The following GSDME variants were observed in gnomAD, a reference collection of about 807,000 sequenced individuals.
The protein encoded by GSDME is gasdermin E, also known as gasdermin-E.
Under a neutral mutation model 47.5 loss-of-function variants are expected in GSDME, and 44 were observed. The observed-to-expected ratio is 0.93, with a 90% CI of 0.73 to 1.19. The LOEUF is 1.19. GSDME is among the 50% of genes most tolerant of loss of function. GSDME has a pLI of 0.00. For synonymous variants in GSDME, 258 were observed against 252.8 expected, an observed-to-expected ratio of 1.02 and a Z score of -0.20; for missense variants, 663 against 604.2, an observed-to-expected ratio of 1.10 and a Z score of -1.02.
At chr7:24,706,842 A>C (rs1562688176) in intron 7 of GSDME, among the ~76,000 whole-genome samples, 1 of 140,680 alleles carries the variant, frequency 7.1e-6, no homozygotes, top group African/African-American at 2.5e-5. Flanking sequence ...GCCAGTTCGG[A>C]CCACCCCGCC....
chr7:24,714,464 A>G lies in GSDME; in HGVS notation c.697+2790T>C, dbSNP rs956204880. Among the ~76,000 whole-genome samples the G allele has an allele frequency of 3.3e-5, 5 of 152,168 alleles. No homozygotes were observed. The highest frequency in any genetic ancestry group is 1.2e-4 in the African/African-American group (5 of 41,426). On this transcript the variant is annotated intron_variant, in intron 5 of 9. Transcript: ENST00000645220. The surrounding 1 kb of genome is among the most constrained non-coding windows in gnomAD (Gnocchi z 5.0). The stretch of plus-strand genomic sequence containing the variant: ...GAAAAGAAATAGCAGAACTGGTTTA[A>G]AATCAGGCAGTGAATCACCCAGAAC...
At chr7:24,747,490 G>T (rs1487822178) in intron 2 of GSDME, among the ~76,000 whole-genome samples, 3 of 152,186 alleles carry the variant, frequency 2.0e-5, no homozygotes, top group Non-Finnish European at 4.4e-5. Flanking sequence ...AAGAGCTGAA[G>T]ATATTTTCAT....
intron 5 of GSDME, among the ~76,000 whole-genome samples, chr7:24,713,538 C>G (rs1291826327): frequency 1.3e-5 from 2 of 152,196 alleles, no homozygotes; most frequent in Non-Finnish European, 2.9e-5. Flanking sequence ...AGAGCACGCC[C>G]AGAGAGAGGC....
chr7:24,742,599 A>G lies in GSDME; in HGVS notation c.404+1963T>C, dbSNP rs1790526442. Among the ~76,000 whole-genome samples, 1 of 152,184 alleles carries G rather than the reference A, an allele frequency of 6.6e-6. No individual in the cohort carries two copies. Among genetic ancestry groups the G allele is most frequent in the Non-Finnish European group, 1.5e-5 (1 of 68,040 alleles). ...TAGCAAGAGCTTTTACACCTGAATCATGGTGTTTAAAAACCTATATCGAGA... is the reference window on the plus strand; with the variant it reads ...TAGCAAGAGCTTTTACACCTGAATCGTGGTGTTTAAAAACCTATATCGAGA... On this transcript the variant is annotated intron_variant, in intron 3 of 9. Transcript: ENST00000645220. This position sits in a 1 kb window ranked among gnomAD's most constrained non-coding sequence, Gnocchi z 4.4.
intron 6 of GSDME, among the ~76,000 whole-genome samples, chr7:24,709,831 T>C (rs1789275999): frequency 6.6e-6 from 1 of 152,178 alleles, no homozygotes; most frequent in Non-Finnish European, 1.5e-5. Context: ...GTCTTGACAA[T>C]GAAGCCCAGA....
chr7:24,787,639 C>A, the GSDME span, among the ~76,000 whole-genome samples: 1 of 152,084 alleles, frequency 6.6e-6, no homozygotes, highest in African/African-American at 2.4e-5. The surrounding 1 kb of genome is among the most constrained non-coding windows in gnomAD (Gnocchi z 5.0). Flanking sequence ...CTCATTAAAG[C>A]CATTACAACA....
At chr7:24,766,477 C>T in the GSDME span, among the ~76,000 whole-genome samples, 3 of 152,030 alleles carry the variant, frequency 2.0e-5, no homozygotes, top group Admixed American at 6.6e-5. The surrounding 1 kb of genome is among the most constrained non-coding windows in gnomAD (Gnocchi z 4.2). Flanking sequence ...CGACAGGCCC[C>T]GGTGTGTGAC....
chr7:24,778,129 G>A, the GSDME span, among the ~76,000 whole-genome samples: 11 of 151,698 alleles, frequency 7.3e-5, no homozygotes, highest in Non-Finnish European at 1.3e-4. The surrounding 1 kb of genome is among the most constrained non-coding windows in gnomAD (Gnocchi z 5.6). Context: ...ATGTGTGTCT[G>A]TAGTGGCGTT....
intron 3 of GSDME, among the ~76,000 whole-genome samples, chr7:24,738,237 A>G (rs1372313820): frequency 6.6e-6 from 1 of 152,158 alleles, no homozygotes; most frequent in Non-Finnish European, 1.5e-5. Flanking sequence ...TAAAGACTCC[A>G]CCAAAAAACT....
At chr7:24,749,865 G>C in intron 1 of GSDME, 72 bp from the exon 2 acceptor site, 1 of 966,562 alleles carries the variant, frequency 1.0e-6, no homozygotes, top group Non-Finnish European at 1.6e-6. Context: ...TAAAATTACT[G>C]TATTTCTCCC....
intron 8 of GSDME, 77 bp downstream of exon 8, chr7:24,706,107 G>A (rs1789088266): frequency 6.5e-7 from 1 of 1,541,638 alleles, no homozygotes; most frequent in South Asian, 1.1e-5. Context: ...CCACCTCTGT[G>A]TCCCCAGAAG....
In GSDME at chr7:24,725,231, CTA is replaced by C. The variant is rs965109468; in HGVS notation, c.405-6015_405-6014del. On this transcript the variant is annotated intron_variant, in intron 3 of 9. Transcript: ENST00000645220. The surrounding 1 kb of genome is among the most constrained non-coding windows in gnomAD (Gnocchi z 5.1). ...TGCACATCTGTAAACTGAGAATTTG[CTA>C]TGAGGGTTACGTTCAGTGAGATCTT... 2.0e-5 allele frequency among the ~76,000 whole-genome samples: 3 copies of C among 152,194 alleles called. No individual in the cohort carries two copies. Among genetic ancestry groups the C allele is most frequent in the African/African-American group, 7.2e-5 (3 of 41,430 alleles).
the GSDME span, among the ~76,000 whole-genome samples, chr7:24,782,054 T>C: frequency 2.6e-4 from 39 of 152,164 alleles, no homozygotes; most frequent in Non-Finnish European, 4.6e-4. Context: ...CCCAAAAACA[T>C]ACTTTTAAAA....
intron 2 of GSDME, among the ~76,000 whole-genome samples, chr7:24,747,597 G>A (rs1250050019): frequency 1.3e-5 from 2 of 152,154 alleles, no homozygotes; most frequent in Non-Finnish European, 2.9e-5. Context: ...AAGAATTTAC[G>A]CTAAAGCAGT....
chr7:24,776,674 A>G, the GSDME span, among the ~76,000 whole-genome samples: 2 of 152,220 alleles, frequency 1.3e-5, no homozygotes, highest in Non-Finnish European at 2.9e-5. Context: ...TATAAGTTCT[A>G]TTAAGCAAAT....
rs147090379 is a variant in GSDME at position 24,735,760 on chromosome 7, A to AAAAT, written c.404+8798_404+8801dup. 8.3e-3 allele frequency among the ~76,000 whole-genome samples: 1,182 copies of AAAAT among 143,002 alleles called. 5 individuals are homozygous for AAAAT. The highest frequency in any genetic ancestry group is 0.011 in the Middle Eastern group (3 of 280). The allele number at this position is 143,002 out of a possible 152,430, so 93.8% of individuals were successfully genotyped here. ...GTGACAACAGCAAAACTCTATCTCA[A>AAAAT]AAATAAATAAATAAATAAATAAATA... is the stretch of plus-strand genomic sequence containing the variant. On this transcript the variant is annotated intron_variant, in intron 3 of 9. Coordinates refer to ENST00000645220, the MANE Select transcript of GSDME (RefSeq NM_001127453.2). This position sits in a 1 kb window ranked among gnomAD's most constrained non-coding sequence, Gnocchi z 4.4.
rs966150627 is a variant in GSDME at position 24,736,220 on chromosome 7, A to G, written c.404+8342T>C. On this transcript the variant is annotated intron_variant, in intron 3 of 9. Transcript: ENST00000645220. This position sits in a 1 kb window ranked among gnomAD's most constrained non-coding sequence, Gnocchi z 4.6. Reference sequence around the variant, plus strand: ...TAAACTCTCCAATTAAAAGACATACACTGGCTAAATGGATTAAAAACAACA... The same window carrying G: ...TAAACTCTCCAATTAAAAGACATACGCTGGCTAAATGGATTAAAAACAACA... 1.3e-5 allele frequency among the ~76,000 whole-genome samples: 2 copies of G among 152,204 alleles called. No homozygotes were observed. Among genetic ancestry groups the G allele is most frequent in the African/African-American group, 4.8e-5 (2 of 41,462 alleles).
chr7:24,782,607 G>T, the GSDME span, among the ~76,000 whole-genome samples: 2 of 152,272 alleles, frequency 1.3e-5, no homozygotes, highest in South Asian at 4.2e-4. Flanking sequence ...GGGTCAAATG[G>T]TATTTCTAGT....
In GSDME at chr7:24,749,685, C is replaced by T. The variant is rs775350845; in HGVS notation, c.90G>A (p.Lys30=). 5.6e-6 allele frequency: 9 copies of T among 1,614,002 alleles called. No homozygotes were observed. Among genetic ancestry groups the T allele is most frequent in the East Asian group, 2.2e-5 (1 of 44,890 alleles). ...TTGTCACCAGACTTAGAAGCTGTAACTTATCAGAGTCATTCAGATTTGATA... is the reference window on the plus strand; with the variant it reads ...TTGTCACCAGACTTAGAAGCTGTAATTTATCAGAGTCATTCAGATTTGATA... The part of the protein sequence containing the change: ...IAVSNLNDSD[K]LQLLSLVTKK... The change falls in exon 2 of 10, where the codon AAG becomes AAA. Residue 30 remains lysine (K), a synonymous_variant. Coordinates refer to ENST00000645220, the MANE Select transcript of GSDME (RefSeq NM_001127453.2).
Sources: gnomAD v4.1 joint callset for allele counts (sites outside exome capture counted in the v4.1 genomes callset) on GRCh38, gnomAD v4.1.1 for gene constraint, Gnocchi (gnomAD v3.1) non-coding constraint, MANE v1.5 for transcripts, NCBI Gene and HGNC (gene_info 2026-07-23, HGNC 2026-07-21) for gene names.